Variants in PCDHGB1 observed in about 807,000 individuals in gnomAD.
PCDHGB1 encodes the protein protocadherin gamma-B1.
PCDHGB1 carries 34 observed loss-of-function variants against 56.6 expected under a neutral mutation model. That is an observed-to-expected ratio of 0.60 (90% CI 0.46 to 0.80). The LOEUF (loss-of-function observed/expected upper bound fraction) is 0.80, where lower values mean the gene tolerates loss of function less well. Among genes scored for constraint, PCDHGB1 ranks in the 30% least tolerant of loss-of-function variants. PCDHGB1 has a pLI of 0.00. For missense variants in PCDHGB1, 1,278 were observed against 1,204.6 expected (o/e 1.06, Z -0.90); for synonymous variants, 561 against 505.9 (o/e 1.11, Z -1.46).
At chr5:141,438,875 A>G (rs2098071820) in intron 1 of PCDHGB1, among the ~76,000 whole-genome samples, 1 of 151,738 alleles carries the variant, frequency 6.6e-6, no homozygotes. Flanking sequence ...CAAGTTGGCC[A>G]GGCTGCTCTT....
At position 141,372,722 on chromosome 5, in the gene PCDHGB1, A is replaced by T. The variant is rs551482869; in HGVS notation, c.2409+20053A>T. 13 of 1,613,812 alleles carry T rather than the reference A, an allele frequency of 8.1e-6. No individual in the cohort carries two copies. The Admixed American group carries it at 2.2e-4, about 27-fold the overall frequency. The stretch of plus-strand genomic sequence containing the variant: ...TCAATATAAAGGCTGAAAATGCTGC[A>T]CCACAAGATCTTCTATGTGATGAAG... On this transcript the variant is annotated intron_variant, in intron 1 of 3. Coordinates refer to ENST00000523390, the MANE Select transcript of PCDHGB1 (RefSeq NM_018922.3).
chr5:141,413,574 T>C (rs773380895), intron 1 of PCDHGB1: 12 of 1,613,714 alleles, frequency 7.4e-6, no homozygotes, highest in Admixed American at 1.7e-5. Flanking sequence ...TCAATGACAA[T>C]GCTCCAAAAT....
In PCDHGB1 at chr5:141,505,414, C is replaced by T. The variant is rs373956550; in HGVS notation, c.2490C>T (p.Thr830=). The T allele has an allele frequency of 3.0e-5, 48 of 1,614,046 alleles. No homozygotes were observed. In the African/African-American group the frequency reaches 3.1e-4, roughly 10 times the overall value. The change falls in exon 3 of 4, where the codon ACC becomes ACT. Residue 830 remains threonine (T), a synonymous_variant. Transcript: ENST00000523390. ...CCAGCTCCCAAAATGGCGATGACACCGGCACCTGGCCCAACAACCAGTTTG... is the reference window on the plus strand; with the variant it reads ...CCAGCTCCCAAAATGGCGATGACACTGGCACCTGGCCCAACAACCAGTTTG... ...GTSGSQNGDD[T]GTWPNNQFDT...
chr5:141,507,344 AT>A (rs1345461058), intron 3 of PCDHGB1: 5 of 152,206 alleles, frequency 3.3e-5, no homozygotes, highest in Non-Finnish European at 5.9e-5. Context: ...TTTACCTGAA[AT>A]TCAAATTTAA....
rs1297899765 is a variant in PCDHGB1, at chr5:141,431,815, C to T, written c.2410-62992C>T. ...CCCCAGAAGTGGTCCTCACCTCTCTCGCCAGCTCGGTTCCCGAAAACTCTC... is the reference window on the plus strand; with the variant it reads ...CCCCAGAAGTGGTCCTCACCTCTCTTGCCAGCTCGGTTCCCGAAAACTCTC... On this transcript the variant is annotated intron_variant, in intron 1 of 3. Transcript: ENST00000523390. The surrounding 1 kb of genome is among the most constrained non-coding windows in gnomAD (Gnocchi z 4.8). 5 of 1,614,124 alleles carry T rather than the reference C, an allele frequency of 3.1e-6. No homozygotes were observed. The Admixed American group carries it at 5.0e-5, about 16-fold the overall frequency.
intron 1 of PCDHGB1, among the ~76,000 whole-genome samples, chr5:141,368,930 A>G (rs182609850): frequency 1.4e-4 from 22 of 152,346 alleles, no homozygotes; most frequent in Middle Eastern, 3.4e-3. Flanking sequence ...GTGTCTGTCT[A>G]GAATTCTGGT....
chr5:141,415,130 A>G (rs2095833213), intron 1 of PCDHGB1: 3 of 1,613,636 alleles, frequency 1.9e-6, no homozygotes, highest in South Asian at 1.1e-5. Flanking sequence ...GCCGTCCAGG[A>G]CCACGGCCAG....
chr5:141,429,960 A>C (rs981722031), intron 1 of PCDHGB1, among the ~76,000 whole-genome samples: 2 of 152,244 alleles, frequency 1.3e-5, no homozygotes, highest in African/African-American at 4.8e-5. Flanking sequence ...AGTCAATGCA[A>C]GTTGGAATGC....
At chr5:141,366,835 A>C (rs1011938968) in intron 1 of PCDHGB1, 2 of 1,511,404 alleles carry the variant, frequency 1.3e-6, no homozygotes, top group Non-Finnish European at 1.8e-6. Flanking sequence ...AGAATCAGCT[A>C]GTTATGTAAA....
intron 1 of PCDHGB1, among the ~76,000 whole-genome samples, chr5:141,433,690 A>G (rs951380027): frequency 2.0e-5 from 3 of 152,088 alleles, no homozygotes; most frequent in African/African-American, 7.2e-5. Flanking sequence ...ATACAAAATT[A>G]GCCGGGCGTG....
At position 141,485,831 on chromosome 5, in the gene PCDHGB1, C is replaced by A; in HGVS notation, c.2410-8976C>A. The A allele has an allele frequency of 6.2e-7, 1 of 1,614,080 alleles. No individual in the cohort carries two copies. Among genetic ancestry groups the A allele is most frequent in the Non-Finnish European group, 8.5e-7 (1 of 1,180,026 alleles). ...GCTGACTGCTGTCGATGGAGGGAAC[C>A]CGCCGAGATCTGGCACCGCAGAGCT... On this transcript the variant is annotated intron_variant, in intron 1 of 3. Coordinates refer to ENST00000523390, the MANE Select transcript of PCDHGB1 (RefSeq NM_018922.3). The surrounding 1 kb of genome is among the most constrained non-coding windows in gnomAD (Gnocchi z 5.7).
chr5:141,477,765 A>C lies in PCDHGB1; in HGVS notation c.2410-17042A>C, dbSNP rs752391870. The C allele has an allele frequency of 6.2e-7, 1 of 1,614,026 alleles. No individual in the cohort carries two copies. Among genetic ancestry groups the C allele is most frequent in the Non-Finnish European group, 8.5e-7 (1 of 1,180,036 alleles). Reference sequence around the variant, plus strand: ...GGGGGCACCCCGGTCCTAGCCACCAACATCAGCGTGAACATATTTGTCACT... The same window carrying C: ...GGGGGCACCCCGGTCCTAGCCACCACCATCAGCGTGAACATATTTGTCACT... On this transcript the variant is annotated intron_variant, in intron 1 of 3. Coordinates refer to ENST00000523390, the MANE Select transcript of PCDHGB1 (RefSeq NM_018922.3). The surrounding 1 kb of genome is among the most constrained non-coding windows in gnomAD (Gnocchi z 4.9).
rs375487349 is a variant in PCDHGB1 at position 141,383,260 on chromosome 5, G to A, written c.2409+30591G>A. The A allele has an allele frequency of 7.3e-5, 118 of 1,613,782 alleles. 1 individual carries two copies. In the East Asian group the frequency reaches 2.5e-3, roughly 35 times the overall value. On this transcript the variant is annotated intron_variant, in intron 1 of 3. Coordinates refer to ENST00000523390, the MANE Select transcript of PCDHGB1 (RefSeq NM_018922.3). The stretch of plus-strand genomic sequence containing the variant: ...TAAAATGAATCTTTACCCTATAGAC[G>A]TGGAAATAATAGATATTAATGACAA...
At position 141,388,901 on chromosome 5, in the gene PCDHGB1, T is replaced by G. The variant is rs776637275; in HGVS notation, c.2409+36232T>G. The G allele has an allele frequency of 2.5e-6, 4 of 1,613,722 alleles. No homozygotes were observed. The African/African-American group carries it at 5.3e-5, about 22-fold the overall frequency. On this transcript the variant is annotated intron_variant, in intron 1 of 3. Coordinates refer to ENST00000523390, the MANE Select transcript of PCDHGB1 (RefSeq NM_018922.3). ...TGGAGGTAGAAGTCATAGATGAAAA[T>G]GACAACGCCCCAGAAGTGATATTCC...
intron 1 of PCDHGB1, among the ~76,000 whole-genome samples, chr5:141,470,290 C>T (rs1226383020): frequency 1.3e-5 from 2 of 152,148 alleles, no homozygotes; most frequent in Non-Finnish European, 2.9e-5. Context: ...TATTGGTTAA[C>T]TGTTTTTATT....
intron 1 of PCDHGB1, chr5:141,390,387 T>C: frequency 1.4e-6 from 2 of 1,425,596 alleles, no homozygotes; most frequent in Non-Finnish European, 1.9e-6. Flanking sequence ...TTAGATGTCA[T>C]GGATCATTTT....
chr5:141,491,602 A>T lies in PCDHGB1; in HGVS notation c.2410-3205A>T. On this transcript the variant is annotated intron_variant, in intron 1 of 3. Transcript: ENST00000523390. The surrounding 1 kb of genome is among the most constrained non-coding windows in gnomAD (Gnocchi z 6.9). ...ACCGGCCTCGGACGGCAGTGACTTC[A>T]CTTTTCTAAGACCCCTCAGCGTTCA... is the stretch of plus-strand genomic sequence containing the variant. The T allele has an allele frequency of 6.2e-7, 1 of 1,613,838 alleles. No individual in the cohort carries two copies. Among genetic ancestry groups the T allele is most frequent in the Non-Finnish European group, 8.5e-7 (1 of 1,180,016 alleles).
At position 141,431,667 on chromosome 5, in the gene PCDHGB1, C is replaced by T. The variant is rs759257105; in HGVS notation, c.2410-63140C>T. ...GATTGTAATTCAGGGACAATATCAA[C>T]AATAGGGGAGTTGGACCACGAGGAG... On this transcript the variant is annotated intron_variant, in intron 1 of 3. Coordinates refer to ENST00000523390, the MANE Select transcript of PCDHGB1 (RefSeq NM_018922.3). This position sits in a 1 kb window ranked among gnomAD's most constrained non-coding sequence, Gnocchi z 4.8. 1 of 1,614,226 alleles carries T rather than the reference C, an allele frequency of 6.2e-7. No individual in the cohort carries two copies. The highest frequency in any genetic ancestry group is 1.3e-5 in the African/African-American group (1 of 75,072).
At chr5:141,362,330 GCT>G in intron 1 of PCDHGB1, 2 of 1,614,068 alleles carry the variant, frequency 1.2e-6, no homozygotes, top group Non-Finnish European at 1.7e-6. Flanking sequence ...CCTGGTCTCA[GCT>G]CCAAGCCTGG....
Sources: allele counts gnomAD v4.1 joint callset (sites outside exome capture counted in the v4.1 genomes callset), GRCh38; gene constraint gnomAD v4.1.1; non-coding constraint Gnocchi (gnomAD v3.1); transcripts MANE v1.5; gene names NCBI Gene and HGNC (gene_info 2026-07-23, HGNC 2026-07-21).